The following FOXP1 variants were observed in gnomAD, a reference collection of about 807,000 sequenced individuals.
FOXP1 encodes forkhead box protein P1.
Under a neutral mutation model 98.2 loss-of-function variants are expected in FOXP1, and 15 were observed. The ratio of observed to expected loss-of-function variants is 0.15; its 90% CI spans 0.10 to 0.24. The LOEUF (loss-of-function observed/expected upper bound fraction) is 0.24. Among genes scored for constraint, FOXP1 ranks in the 10% least tolerant of loss-of-function variants. The pLI, the probability that FOXP1 is intolerant of heterozygous loss-of-function variation, is 1.00. For synonymous variants in FOXP1, 371 were observed against 314.5 expected (o/e 1.18, Z -1.90); for missense variants, 633 against 848.5 (o/e 0.75, Z 3.15).
intron 3 of FOXP1, among the ~76,000 whole-genome samples, chr3:71,487,821 A>G (rs545099261): frequency 4.9e-4 from 75 of 152,378 alleles, no homozygotes; most frequent in African/African-American, 1.7e-3. Context: ...AATGGAAAAT[A>G]CATGCAATAT....
At chr3:71,541,982 T>C (rs1378102277) in intron 2 of FOXP1, 1 of 533,916 alleles carries the variant, frequency 1.9e-6, no homozygotes, top group South Asian at 1.4e-5. Flanking sequence ...ATTTTCAGTA[T>C]GAAAGAAACC....
intron 10 of FOXP1, among the ~76,000 whole-genome samples, chr3:71,043,968 A>AACAGC (rs1391350324): frequency 6.6e-6 from 1 of 152,212 alleles, no homozygotes; most frequent in East Asian, 1.9e-4. Flanking sequence ...ATTAAGTGAC[A>AACAGC]ACAGCGATAC....
Position 71,193,862 on chromosome 3 carries a change from T to C in FOXP1, c.180+4340A>G, listed in dbSNP as rs139218448. On this transcript the variant is annotated intron_variant, in intron 6 of 20. Transcript: ENST00000649528. The stretch of plus-strand genomic sequence containing the variant: ...ATCTTTGACCTCCTTCAATGGTTCA[T>C]TGGAAAAATTCAACCCGATGGGTCC... Among the ~76,000 whole-genome samples, 125 of 152,352 alleles carry C rather than the reference T, an allele frequency of 8.2e-4. 2 individuals are homozygous for C. Among genetic ancestry groups the C allele is most frequent in the African/African-American group, 2.9e-3 (121 of 41,584 alleles).
At chr3:71,332,872 T>C (rs968992702) in intron 4 of FOXP1, 2 of 152,320 alleles carry the variant, frequency 1.3e-5, no homozygotes, top group African/African-American at 4.8e-5. Context: ...AGGGCGGCAA[T>C]GCAGCAACGG....
At chr3:70,971,182 T>G (rs2036156342) in intron 18 of FOXP1, 1 of 309,520 alleles carries the variant, frequency 3.2e-6, no homozygotes, top group South Asian at 3.1e-5. Flanking sequence ...CAGGGGCTGC[T>G]GGGCACGAGC....
intron 2 of FOXP1, among the ~76,000 whole-genome samples, chr3:71,549,301 G>A (rs2045595024): frequency 6.6e-6 from 1 of 152,020 alleles, no homozygotes. Flanking sequence ...CAGTCGCTGG[G>A]GTTTTCCCTC....
intron 5 of FOXP1, among the ~76,000 whole-genome samples, chr3:71,201,640 G>A (rs894464067): frequency 5.9e-5 from 9 of 151,864 alleles, no homozygotes; most frequent in Non-Finnish European, 5.9e-5. Flanking sequence ...AAAAGGGGGC[G>A]GGGAGAGGGA....
intron 6 of FOXP1, among the ~76,000 whole-genome samples, chr3:71,141,951 A>C (rs1480799839): frequency 6.6e-6 from 1 of 152,218 alleles, no homozygotes; most frequent in African/African-American, 2.4e-5. Flanking sequence ...CAGAGGCTGA[A>C]AAGAAAGCAT....
At chr3:71,223,390 T>C (rs1312440846) in intron 5 of FOXP1, among the ~76,000 whole-genome samples, 1 of 152,126 alleles carries the variant, frequency 6.6e-6, no homozygotes, top group African/African-American at 2.4e-5. Flanking sequence ...AAATATTACC[T>C]TTAAAAAGAA....
At chr3:71,413,290 ACC>A (rs1553876158) in intron 3 of FOXP1, among the ~76,000 whole-genome samples, 16 of 138,618 alleles carry the variant, frequency 1.2e-4, no homozygotes, top group African/African-American at 3.8e-4. Context: ...ACACACACAC[ACC>A]CAAAACAGCC....
At chr3:71,276,405 G>A (rs1258737885) in intron 5 of FOXP1, 4 of 152,034 alleles carry the variant, frequency 2.6e-5, no homozygotes, top group Non-Finnish European at 4.4e-5. Context: ...GAAAAATCTA[G>A]GATGTGTCTA....
At chr3:71,503,882 C>T (rs1409513953) in intron 2 of FOXP1, among the ~76,000 whole-genome samples, 1 of 152,072 alleles carries the variant, frequency 6.6e-6, no homozygotes, top group Non-Finnish European at 1.5e-5. Context: ...GAGAAGGAGC[C>T]AAGGGCATTT....
In FOXP1 at chr3:71,198,218, T is replaced by G. The variant is rs2063416882; in HGVS notation, c.164A>C (p.Gln55Pro). 6.2e-7 allele frequency: 1 copy of G among 1,613,980 alleles called. No individual in the cohort carries two copies. Among genetic ancestry groups the G allele is most frequent in the African/African-American group, 1.3e-5 (1 of 74,942 alleles). ...GCCCAGTACCTGTTGCTGCTGCTGC[T>G]GGGCGTGGGCGAGGTCAGCTGCCCC... is the stretch of plus-strand genomic sequence containing the variant. The part of the protein sequence containing the change: ...DIGAADLAHA[Q>P]QQQQQALQVA... The change falls in exon 6 of 21, where the codon CAG becomes CCG. Residue 55 changes from glutamine to proline, a missense_variant. By Grantham distance (76) the Gln-to-Pro change is moderately conservative (BLOSUM62 -1). Transcript: ENST00000649528.
chr3:70,989,879 G>C (rs56900577), intron 13 of FOXP1, among the ~76,000 whole-genome samples: 5,491 of 152,112 alleles, frequency 0.036, 301 homozygotes, highest in African/African-American at 0.12. Flanking sequence ...CAAATCCTGG[G>C]CATTTAAAGG....
intron 3 of FOXP1, among the ~76,000 whole-genome samples, chr3:71,459,103 G>C (rs2087776191): frequency 6.6e-6 from 1 of 152,010 alleles, no homozygotes; most frequent in African/African-American, 2.4e-5. Context: ...GTCATAAATG[G>C]GTGACTTTTC....
chr3:71,410,982 G>C (rs1447823729), intron 3 of FOXP1, among the ~76,000 whole-genome samples: 2 of 152,114 alleles, frequency 1.3e-5, no homozygotes, highest in Non-Finnish European at 2.9e-5. Flanking sequence ...CAGGCAAGCT[G>C]TTTACTCCCA....
chr3:71,114,764 G>A (rs1325885365), intron 6 of FOXP1, among the ~76,000 whole-genome samples: 3 of 152,164 alleles, frequency 2.0e-5, no homozygotes, highest in African/African-American at 7.2e-5. Flanking sequence ...TCTGAGTGGG[G>A]CATCTGGAAG....
At chr3:71,025,059 A>G (rs1324296846) in intron 11 of FOXP1, among the ~76,000 whole-genome samples, 1 of 152,200 alleles carries the variant, frequency 6.6e-6, no homozygotes, top group Non-Finnish European at 1.5e-5. Flanking sequence ...CATCAGAAAC[A>G]TGATTTCTCA....
chr3:71,485,249 C>A (rs1384014833), intron 3 of FOXP1, among the ~76,000 whole-genome samples: 1 of 152,102 alleles, frequency 6.6e-6, no homozygotes, highest in East Asian at 1.9e-4. Context: ...CTCTCATCTC[C>A]CCAATATCCC....
Sources: gnomAD v4.1 joint callset for allele counts (sites outside exome capture counted in the v4.1 genomes callset) on GRCh38, gnomAD v4.1.1 for gene constraint, MANE v1.5 for transcripts, NCBI Gene and HGNC (gene_info 2026-07-23, HGNC 2026-07-21) for gene names.